Variants in ARHGAP29 observed in about 807,000 individuals in gnomAD.
The protein encoded by ARHGAP29 is Rho GTPase activating protein 29, also known as rho GTPase-activating protein 29.
ARHGAP29 carries 43 observed loss-of-function variants against 122.6 expected under a neutral mutation model. The observed-to-expected ratio is 0.35, with a 90% CI of 0.27 to 0.45. The LOEUF (loss-of-function observed/expected upper bound fraction) is 0.45. Ranked by LOEUF, ARHGAP29 falls within the 20% of genes least tolerant of loss-of-function variation. The pLI is 1.00. For missense variants in ARHGAP29, 1,303 were observed against 1,477.2 expected, an observed-to-expected ratio of 0.88 and a Z score of 1.93; for synonymous variants, 506 against 497.1, an observed-to-expected ratio of 1.02 and a Z score of -0.24.
At chr1:94,216,073 C>T (rs1323089366) in intron 3 of ARHGAP29, among the ~76,000 whole-genome samples, 1 of 152,184 alleles carries the variant, frequency 6.6e-6, no homozygotes, top group African/African-American at 2.4e-5. Flanking sequence ...TCAGCCTCTT[C>T]AGCACTGCTA....
At chr1:94,188,975 A>G (rs543369297) in intron 14 of ARHGAP29, 34 bp from the exon 15 acceptor site, 1 of 1,587,548 alleles carries the variant, frequency 6.3e-7, no homozygotes, top group East Asian at 2.2e-5. Flanking sequence ...AAACTTGGCT[A>G]CAGGTAGATT....
chr1:94,204,077 C>G (rs1046644525), intron 7 of ARHGAP29, 83 bp from the exon 8 acceptor site: 1 of 1,047,750 alleles, frequency 9.5e-7, no homozygotes, highest in South Asian at 1.4e-5. Flanking sequence ...GTAGTAATTC[C>G]ACAATTAAGA....
At chr1:94,190,892 T>C (rs143924168) in intron 12 of ARHGAP29, 2 of 152,270 alleles carry the variant, frequency 1.3e-5, no homozygotes, top group East Asian at 3.9e-4. Context: ...TGTCAAATTA[T>C]GCAGTATGAC....
At chr1:94,229,041 A>G (rs1213607399) in intron 2 of ARHGAP29, among the ~76,000 whole-genome samples, 1 of 151,834 alleles carries the variant, frequency 6.6e-6, no homozygotes, top group African/African-American at 2.4e-5. Context: ...TTAAGGAGAC[A>G]ATACACAAAA....
Position 94,205,663 on chromosome 1 carries a change from C to G in ARHGAP29, c.531G>C (p.Val177=), listed in dbSNP as rs749224593. The G allele has an allele frequency of 1.9e-6, 3 of 1,612,428 alleles. No individual in the cohort carries two copies. The highest frequency in any genetic ancestry group is 2.5e-6 in the Non-Finnish European group (3 of 1,179,262). ...TTTCACTGGATGAGTCCACTGATTC[C>G]ACAGAAACATTTTCAAACGACTTAC... The part of the protein sequence containing the change: ...RETKSFENVS[V]ESVDSSSEKG... The change falls in exon 6 of 23, where the codon GTG becomes GTC. Residue 177 remains valine (V), a synonymous_variant. Transcript: ENST00000260526.
At chr1:94,284,660 G>A in the ARHGAP29 span, among the ~76,000 whole-genome samples, 716 of 152,264 alleles carry the variant, frequency 4.7e-3, 9 homozygotes, top group African/African-American at 0.016. Context: ...GAGTAAAGCC[G>A]CATTCAGCCC....
chr1:94,222,888 A>G (rs1040631996), intron 2 of ARHGAP29, among the ~76,000 whole-genome samples: 3 of 152,194 alleles, frequency 2.0e-5, no homozygotes, highest in Admixed American at 6.5e-5. Flanking sequence ...AAAATGAAAT[A>G]CAAGTAGGTA....
intron 1 of ARHGAP29, among the ~76,000 whole-genome samples, chr1:94,234,310 A>G (rs1340261071): frequency 6.6e-6 from 1 of 152,250 alleles, no homozygotes; most frequent in Non-Finnish European, 1.5e-5. Context: ...ATAAAGTTTC[A>G]ATTAATTTTT....
At chr1:94,312,769 A>T in the ARHGAP29 span, among the ~76,000 whole-genome samples, 1 of 152,096 alleles carries the variant, frequency 6.6e-6, no homozygotes, top group African/African-American at 2.4e-5. Context: ...AGTCTGCTTC[A>T]TCAGTTTCTG....
chr1:94,182,764 C>G (rs571542099), intron 19 of ARHGAP29, among the ~76,000 whole-genome samples: 10 of 152,140 alleles, frequency 6.6e-5, no homozygotes, highest in South Asian at 2.1e-4. Context: ...TAAATATTTA[C>G]TCCTATTCTA....
upstream of ARHGAP29, among the ~76,000 whole-genome samples, chr1:94,279,541 C>A (rs1008286209): frequency 2.0e-5 from 3 of 152,214 alleles, no homozygotes; most frequent in Non-Finnish European, 2.9e-5. Context: ...TGCTACCTTT[C>A]CAAGTAGAAT....
At position 94,184,267 on chromosome 1, in the gene ARHGAP29, T is replaced by C; in HGVS notation, c.2131A>G (p.Asn711Asp). The stretch of plus-strand genomic sequence containing the variant: ...CACAATTTTTCAGTTTTTATTTTGT[T>C]TCCACACACACGATAAATTCCCTTC... ...CLQGIYRVCG[N>D]KIKTEKLCQA... The change falls in exon 19 of 23, where the codon AAC (asparagine) becomes GAC (aspartate). Residue 711 changes from asparagine (N) to aspartate (D), a missense_variant. By Grantham distance (23) the Asn-to-Asp change is conservative. Around this residue, in one of 3 missense-constraint regions of ARHGAP29, gnomAD observed 91 missense variants for 177.8 expected, o/e 0.51. Coordinates refer to ENST00000260526, the MANE Select transcript of ARHGAP29 (RefSeq NM_004815.4). 6.2e-7 allele frequency: 1 copy of C among 1,610,938 alleles called. No homozygotes were observed. Among genetic ancestry groups the C allele is most frequent in the Non-Finnish European group, 8.5e-7 (1 of 1,179,096 alleles).
At chr1:94,248,896 G>A (rs111677068) in intron 1 of ARHGAP29, among the ~76,000 whole-genome samples, 5,374 of 152,220 alleles carry the variant, frequency 0.035, 341 homozygotes, top group African/African-American at 0.12. Context: ...TATGTTTTGT[G>A]GAGATGGAGT....
chr1:94,189,074 TG>T, intron 14 of ARHGAP29, 133 bp from the exon 15 acceptor site: 1 of 1,332,474 alleles, frequency 7.5e-7, no homozygotes, highest in Non-Finnish European at 1.0e-6. Flanking sequence ...ACAGGCACCA[TG>T]GTAACAACTG....
At chr1:94,272,070 A>G (rs1318396) in intron 1 of ARHGAP29, among the ~76,000 whole-genome samples, 3,645 of 152,258 alleles carry the variant, frequency 0.024, 166 homozygotes, top group African/African-American at 0.084. Context: ...TAAGTGTGAA[A>G]GGTCACAGAC....
rs1205214692 is a variant in ARHGAP29 at position 94,209,348 on chromosome 1, C to T, written c.343G>A (p.Val115Met). 2.5e-6 allele frequency: 4 copies of T among 1,596,314 alleles called. No individual in the cohort carries two copies. The highest frequency in any genetic ancestry group is 3.4e-6 in the Non-Finnish European group (4 of 1,173,276). The part of the protein sequence containing the change: ...AEMLTAKVKA[V>M]NFTEVNEENK... ...TCTTCATTAACTTCTGTGAAGTTCA[C>T]AGCTGTAAGGAAAAGTTGGTTACAA... Residue 115 changes from valine to methionine, a missense_variant and splice_region_variant, in exon 4 of 23, where the codon GTG becomes ATG. Val to Met is a conservative substitution (Grantham distance 21, BLOSUM62 1). This residue lies in a region of ARHGAP29 where 592 missense variants were observed against 648.2 expected (regional missense o/e 0.91). Coordinates refer to ENST00000260526, the MANE Select transcript of ARHGAP29 (RefSeq NM_004815.4).
chr1:94,177,995 T>C lies in ARHGAP29; in HGVS notation c.2653A>G (p.Ile885Val), dbSNP rs865994687. 5.6e-6 allele frequency: 9 copies of C among 1,614,038 alleles called. No homozygotes were observed. The highest frequency in any genetic ancestry group is 3.3e-4 in the Middle Eastern group (2 of 6,084). Residue 885 changes from isoleucine (I) to valine (V), a missense_variant, in exon 21 of 23, where the codon ATC (isoleucine) becomes GTC (valine). This residue lies in a region of ARHGAP29 where 620 missense variants were observed against 651.2 expected (regional missense o/e 0.95). Coordinates refer to ENST00000260526, the MANE Select transcript of ARHGAP29 (RefSeq NM_004815.4). Reference sequence around the variant, plus strand: ...TGTGGTTGTAGGGACCCATCGAAGATCTTCTGTGAGTAAGTAATGAGAAAC... The same window carrying C: ...TGTGGTTGTAGGGACCCATCGAAGACCTTCTGTGAGTAAGTAATGAGAAAC... ...VEFLITYSQK[I>V]FDGSLQPQDV...
chr1:94,189,502 G>T, intron 13 of ARHGAP29, 150 bp from the exon 14 acceptor site: 2 of 963,166 alleles, frequency 2.1e-6, no homozygotes, highest in Non-Finnish European at 2.9e-6. Context: ...TCATGGTTCA[G>T]CTTCTTATAG....
the ARHGAP29 span, among the ~76,000 whole-genome samples, chr1:94,312,502 G>A: frequency 6.6e-6 from 1 of 150,806 alleles, no homozygotes; most frequent in East Asian, 1.9e-4. Context: ...TGTGATCTTG[G>A]CTCACTGCAA....
Sources: allele counts gnomAD v4.1 joint callset (sites outside exome capture counted in the v4.1 genomes callset), GRCh38; gene constraint gnomAD v4.1.1; regional missense constraint gnomAD v4.1.1; transcripts MANE v1.5; gene names NCBI Gene and HGNC (gene_info 2026-07-23, HGNC 2026-07-21).